Variants in PTH2R observed in about 807,000 individuals in gnomAD.
PTH2R encodes parathyroid hormone 2 receptor, also known as PTH2 receptor.
Under a neutral mutation model 60.3 loss-of-function variants are expected in PTH2R, and 59 were observed. The observed-to-expected ratio is 0.98, with a 90% confidence interval of 0.79 to 1.22. The LOEUF (loss-of-function observed/expected upper bound fraction) is 1.22. PTH2R is among the 50% of genes most tolerant of loss of function. The pLI, the probability that PTH2R is intolerant of heterozygous loss-of-function variation, is 0.00. For missense variants in PTH2R, 749 were observed against 682.6 expected (o/e 1.10, Z -1.08); for synonymous variants, 256 against 243.8 (o/e 1.05, Z -0.47).
intron 8 of PTH2R, among the ~76,000 whole-genome samples, chr2:208,456,791 A>C (rs1166871539): frequency 1.3e-5 from 2 of 152,210 alleles, no homozygotes; most frequent in Non-Finnish European, 2.9e-5. Flanking sequence ...GGACATGTTA[A>C]CAAAGACAGT....
rs36230302 is a variant in PTH2R at position 208,477,880 on chromosome 2, TTACTACTAGTACTAGCAC to T, written c.982-3142_982-3125del. ...AGAATTATGTCTTAATTTAAAAAAA[TTACTACTAGTACTAGCAC>T]TACTACTAGTACTAGCACTACTACT... On this transcript the variant is annotated intron_variant, in intron 9 of 12. Transcript: ENST00000272847. 4.6e-3 allele frequency among the ~76,000 whole-genome samples: 680 copies of T among 146,724 alleles called. 3 individuals are homozygous for T. Among genetic ancestry groups the T allele is most frequent in the African/African-American group, 0.016 (598 of 38,486 alleles).
intron 8 of PTH2R, among the ~76,000 whole-genome samples, chr2:208,451,199 C>A (rs910014076): frequency 6.6e-6 from 1 of 152,088 alleles, no homozygotes; most frequent in African/African-American, 2.4e-5. Context: ...TCTGCCACAT[C>A]AACTTTTCCT....
intron 1 of PTH2R, among the ~76,000 whole-genome samples, chr2:208,376,175 G>GT (rs1420373283): frequency 2.0e-5 from 3 of 152,110 alleles, no homozygotes; most frequent in Non-Finnish European, 2.9e-5. Context: ...GTATTTCTGT[G>GT]TTTTTTCAGT....
chr2:208,382,109 T>A (rs1287785627), intron 1 of PTH2R, among the ~76,000 whole-genome samples: 1 of 152,186 alleles, frequency 6.6e-6, no homozygotes, highest in East Asian at 1.9e-4. Context: ...TTGAGGTTCA[T>A]CCATATTGTT....
chr2:208,414,824 C>T (rs1701607139), intron 1 of PTH2R, among the ~76,000 whole-genome samples: 1 of 152,092 alleles, frequency 6.6e-6, no homozygotes, highest in Non-Finnish European at 1.5e-5. Flanking sequence ...AGCTTGCACT[C>T]TTGATAGGTG....
At chr2:208,418,919 T>C (rs1033864249) in intron 1 of PTH2R, among the ~76,000 whole-genome samples, 5 of 152,234 alleles carry the variant, frequency 3.3e-5, no homozygotes, top group Non-Finnish European at 4.4e-5. Context: ...TTCTATCTAA[T>C]ATTTTACATG....
chr2:208,416,663 TTC>T (rs1271105832), intron 1 of PTH2R, among the ~76,000 whole-genome samples: 6 of 152,226 alleles, frequency 3.9e-5, no homozygotes, highest in Non-Finnish European at 7.3e-5. Context: ...GTGAGGGTGT[TTC>T]CCAAGGAGAT....
At chr2:208,402,543 T>C (rs1701328803), upstream of PTH2R, among the ~76,000 whole-genome samples, 1 of 152,230 alleles carries the variant, frequency 6.6e-6, no homozygotes, top group South Asian at 2.1e-4. Context: ...CTTGTACTTA[T>C]TTTAAGTGAT....
chr2:208,415,995 A>G (rs1701632599), intron 1 of PTH2R, among the ~76,000 whole-genome samples: 1 of 152,228 alleles, frequency 6.6e-6, no homozygotes, highest in Non-Finnish European at 1.5e-5. Context: ...AGCAACATCA[A>G]TAATCAATTA....
At chr2:208,377,926 C>G (rs975426092) in intron 1 of PTH2R, among the ~76,000 whole-genome samples, 17 of 149,736 alleles carry the variant, frequency 1.1e-4, no homozygotes, top group Non-Finnish European at 1.9e-4. Context: ...ACATCCCAGA[C>G]GATGGGCGGC....
At chr2:208,370,552 G>GA (rs1700680808) in intron 1 of PTH2R, among the ~76,000 whole-genome samples, 1 of 151,190 alleles carries the variant, frequency 6.6e-6, no homozygotes, top group African/African-American at 2.4e-5. Context: ...TCCCACGACT[G>GA]GGAGACTGGT....
intron 9 of PTH2R, among the ~76,000 whole-genome samples, chr2:208,469,267 G>A (rs1270647430): frequency 3.3e-5 from 5 of 152,158 alleles, no homozygotes; most frequent in Admixed American, 6.5e-5. Flanking sequence ...ATTACATGTG[G>A]CATGGTTTTA....
At chr2:208,440,173 C>T (rs1021458640) in intron 4 of PTH2R, among the ~76,000 whole-genome samples, 5 of 152,100 alleles carry the variant, frequency 3.3e-5, no homozygotes, top group African/African-American at 1.2e-4. Context: ...GGCATAGTGG[C>T]CTGTGTCTGT....
chr2:208,480,949 T>C, intron 9 of PTH2R, 121 bp from the exon 10 acceptor site: 1 of 673,594 alleles, frequency 1.5e-6, no homozygotes, highest in Non-Finnish European at 2.6e-6. Context: ...GGTTCCCCTG[T>C]TCACATTTAT....
chr2:208,443,399 C>T lies in PTH2R; in HGVS notation c.561C>T (p.Phe187=), dbSNP rs867818201. The T allele has an allele frequency of 6.2e-7, 1 of 1,612,004 alleles. No homozygotes were observed. Among genetic ancestry groups the T allele is most frequent in the Non-Finnish European group, 8.5e-7 (1 of 1,179,148 alleles). The change falls in exon 6 of 13, where the codon TTC becomes TTT. Residue 187 remains phenylalanine (F), a synonymous_variant. Coordinates refer to ENST00000272847, the MANE Select transcript of PTH2R (RefSeq NM_005048.4). ...TCCACATGCACTTATTTGTGTCTTT[C>T]ATGCTGAGAGCTACAAGCATCTTTG... is the stretch of plus-strand genomic sequence containing the variant. The part of the protein sequence containing the change: ...NYIHMHLFVS[F]MLRATSIFVK...
chr2:208,474,258 A>G (rs16841265), intron 9 of PTH2R, among the ~76,000 whole-genome samples: 4,306 of 60,900 alleles, frequency 0.071, 194 homozygotes, highest in African/African-American at 0.25. Flanking sequence ...CATTCAGTAA[A>G]TAGTAGCCTA....
At chr2:208,467,736 A>G (rs1347540625) in intron 9 of PTH2R, among the ~76,000 whole-genome samples, 1 of 151,094 alleles carries the variant, frequency 6.6e-6, no homozygotes, top group Non-Finnish European at 1.5e-5. Context: ...AAACTGAGAG[A>G]CAGGGATGCT....
chr2:208,464,749 C>T (rs990315838), intron 9 of PTH2R, among the ~76,000 whole-genome samples: 6 of 152,170 alleles, frequency 3.9e-5, no homozygotes, highest in Admixed American at 2.0e-4. Context: ...CATGGTGGCT[C>T]ATGCCTGTAA....
chr2:208,359,733 GTCC>G, exon 1 of PTH2R: 1 of 153,460 alleles, frequency 6.5e-6, no homozygotes. Context: ...GGGACCACAG[GTCC>G]ACTACGTGAG....
Sources: allele counts gnomAD v4.1 joint callset (sites outside exome capture counted in the v4.1 genomes callset), GRCh38; gene constraint gnomAD v4.1.1; transcripts MANE v1.5; gene names NCBI Gene and HGNC (gene_info 2026-07-23, HGNC 2026-07-21).